Variants in NFKB1 observed in about 807,000 individuals in gnomAD.
The protein encoded by NFKB1 is nuclear factor NF-kappa-B p105 subunit.
A neutral mutation model predicts 105.1 loss-of-function variants in NFKB1; 9 were observed. That is an observed-to-expected ratio of 0.09 (90% CI 0.05 to 0.15). NFKB1 has a LOEUF of 0.15. Among genes scored for constraint, NFKB1 ranks in the 10% least tolerant of loss-of-function variants. NFKB1 has a pLI of 1.00. For missense variants in NFKB1, 830 were observed against 1,203.7 expected, an observed-to-expected ratio of 0.69 and a Z score of 4.59; for synonymous variants, 440 against 442.2, an observed-to-expected ratio of 1.00 and a Z score of 0.06.
chr4:102,570,429 A>G (rs1724241762), intron 6 of NFKB1, among the ~76,000 whole-genome samples: 1 of 152,140 alleles, frequency 6.6e-6, no homozygotes, highest in Non-Finnish European at 1.5e-5. Context: ...CATGGTATAT[A>G]TGTACCACAT....
At chr4:102,524,584 T>G (rs1228627836) in intron 1 of NFKB1, among the ~76,000 whole-genome samples, 1 of 152,138 alleles carries the variant, frequency 6.6e-6, no homozygotes, top group Non-Finnish European at 1.5e-5. Context: ...GCACTTTATT[T>G]CTATTATTAT....
rs1421475874 is a variant in NFKB1, at chr4:102,537,966, T to C, written c.258+10T>C. The C allele has an allele frequency of 1.3e-6, 2 of 1,505,192 alleles. No individual in the cohort carries two copies. Among genetic ancestry groups the C allele is most frequent in the Middle Eastern group, 1.7e-4 (1 of 5,818 alleles). The allele number at this position is 1,505,192 out of a possible 1,614,324, so 93.2% of individuals were successfully genotyped here. A position where few individuals can be genotyped will look rare whatever the true frequency, so the allele number is the denominator to read the frequency against. On this transcript the variant is annotated intron_variant, in intron 5 of 23. Transcript: ENST00000226574. Reference sequence around the variant, plus strand: ...TTACCCTCAGGTCAAAGTAAGTTTGTGGTAGCTCTCCTTCTATTTGAATTC... The same window carrying C: ...TTACCCTCAGGTCAAAGTAAGTTTGCGGTAGCTCTCCTTCTATTTGAATTC...
At chr4:102,504,492 GTTATA>G (rs1171124767) in intron 1 of NFKB1, among the ~76,000 whole-genome samples, 2 of 152,194 alleles carry the variant, frequency 1.3e-5, no homozygotes, top group South Asian at 4.1e-4. Flanking sequence ...TAGTGGGATT[GTTATA>G]TTAGAAGAGA....
At chr4:102,505,411 T>C (rs1739357613) in intron 1 of NFKB1, among the ~76,000 whole-genome samples, 1 of 152,206 alleles carries the variant, frequency 6.6e-6, no homozygotes, top group Non-Finnish European at 1.5e-5. Flanking sequence ...ACAAACAGAA[T>C]TAATTATCAG....
intron 6 of NFKB1, among the ~76,000 whole-genome samples, chr4:102,576,460 TAATCAAATTTGG>T: frequency 6.6e-6 from 1 of 152,312 alleles, no homozygotes; most frequent in South Asian, 2.1e-4. Context: ...CCCACTCCCG[TAATCAAATTTGG>T]AAGTCAAATA....
intron 3 of NFKB1, among the ~76,000 whole-genome samples, chr4:102,530,673 T>C (rs1238124376): frequency 6.6e-6 from 1 of 152,168 alleles, no homozygotes; most frequent in Non-Finnish European, 1.5e-5. Flanking sequence ...ATCAGCTCTT[T>C]TATTTACCAG....
At chr4:102,518,151 T>C (rs1740325135) in intron 1 of NFKB1, among the ~76,000 whole-genome samples, 1 of 152,166 alleles carries the variant, frequency 6.6e-6, no homozygotes, top group Non-Finnish European at 1.5e-5. Flanking sequence ...GAAAATGATA[T>C]ATTGGCAGAA....
intron 5 of NFKB1, among the ~76,000 whole-genome samples, chr4:102,549,359 A>G (rs929998781): frequency 2.7e-5 from 4 of 148,570 alleles, no homozygotes; most frequent in Non-Finnish European, 5.9e-5. Flanking sequence ...AATAATATAT[A>G]TTATTCTATT....
At chr4:102,576,110 C>T (rs1190955956) in intron 6 of NFKB1, among the ~76,000 whole-genome samples, 1 of 152,108 alleles carries the variant, frequency 6.6e-6, no homozygotes, top group African/African-American at 2.4e-5. Flanking sequence ...GCTTTTTAAG[C>T]TTATCACATA....
intron 12 of NFKB1, 80 bp downstream of exon 12, chr4:102,593,648 T>A: frequency 7.0e-7 from 1 of 1,423,706 alleles, no homozygotes. Flanking sequence ...TCTGAGCATG[T>A]CTGTGAGTTG....
intron 11 of NFKB1, among the ~76,000 whole-genome samples, chr4:102,591,559 C>G (rs1726179729): frequency 6.6e-6 from 1 of 152,074 alleles, no homozygotes; most frequent in African/African-American, 2.4e-5. Context: ...TGCCTTTGCT[C>G]TGTAAATGGA....
At chr4:102,579,297 C>T (rs925008223) in intron 8 of NFKB1, among the ~76,000 whole-genome samples, 3 of 152,106 alleles carry the variant, frequency 2.0e-5, no homozygotes, top group Non-Finnish European at 2.9e-5. Flanking sequence ...TGAAATGTCA[C>T]ATCTCATCTT....
chr4:102,604,202 GA>G (rs1274243296), intron 16 of NFKB1, among the ~76,000 whole-genome samples: 2 of 152,078 alleles, frequency 1.3e-5, no homozygotes, highest in African/African-American at 2.4e-5. Context: ...ACGTATACTT[GA>G]AATACATAGA....
chr4:102,562,844 T>C (rs1305094982), intron 5 of NFKB1, among the ~76,000 whole-genome samples: 1 of 152,176 alleles, frequency 6.6e-6, no homozygotes, highest in Non-Finnish European at 1.5e-5. Context: ...CAGATTTCCG[T>C]TTGAAAATTG....
rs57834461 is a variant in NFKB1 at position 102,546,098 on chromosome 4, A to T, written c.258+8142A>T. Among the ~76,000 whole-genome samples, 377 of 152,226 alleles carry T rather than the reference A, an allele frequency of 2.5e-3. 1 individual carries two copies. The highest frequency in any genetic ancestry group is 8.2e-3 in the African/African-American group (341 of 41,532). ...GTGAGACCCTGTCTCTATAAAAAAA[A>T]TTTTTTAAAGAAAAAAAACAGGATT... is the stretch of plus-strand genomic sequence containing the variant. On this transcript the variant is annotated intron_variant, in intron 5 of 23. Transcript: ENST00000226574.
intron 1 of NFKB1, among the ~76,000 whole-genome samples, chr4:102,512,731 A>G (rs1277268092): frequency 3.9e-5 from 6 of 152,170 alleles, no homozygotes; most frequent in African/African-American, 1.4e-4. Context: ...GCAAATTATT[A>G]TATTTGTGTA....
intron 18 of NFKB1, 37 bp from the exon 19 acceptor site, chr4:102,607,612 C>T (rs758687169): frequency 6.2e-7 from 1 of 1,600,748 alleles, no homozygotes; most frequent in African/African-American, 1.3e-5. Flanking sequence ...GCAAAAGAAC[C>T]TTCCACTAAC....
intron 12 of NFKB1, among the ~76,000 whole-genome samples, chr4:102,593,902 A>G (rs1015903734): frequency 3.3e-5 from 5 of 152,162 alleles, no homozygotes; most frequent in Admixed American, 1.3e-4. Context: ...AAGATTGTAT[A>G]TTATCATACT....
intron 5 of NFKB1, among the ~76,000 whole-genome samples, chr4:102,549,032 C>T (rs1722359411): frequency 6.6e-6 from 1 of 152,044 alleles, no homozygotes; most frequent in South Asian, 2.1e-4. Context: ...GCCAGTAGCC[C>T]TACGAGTATA....
Sources: gnomAD v4.1 joint callset for allele counts (sites outside exome capture counted in the v4.1 genomes callset) on GRCh38, gnomAD v4.1.1 for gene constraint, MANE v1.5 for transcripts, NCBI Gene and HGNC (gene_info 2026-07-23, HGNC 2026-07-21) for gene names.